Variants in BICD1 observed in about 807,000 individuals in gnomAD.
The protein encoded by BICD1 is BICD cargo adaptor 1.
A neutral mutation model predicts 92.5 loss-of-function variants in BICD1; 35 were observed. The observed-to-expected ratio is 0.38, with a 90% CI of 0.29 to 0.50. BICD1 has a LOEUF of 0.50. Among genes scored for constraint, BICD1 ranks in the 20% least tolerant of loss-of-function variants. The pLI is 0.93. For synonymous variants in BICD1, 429 were observed against 465.1 expected (o/e 0.92, Z 1.00); for missense variants, 950 against 1,189.8 (o/e 0.80, Z 2.97).
At chr12:32,149,101 T>C (rs1342621541) in intron 1 of BICD1, among the ~76,000 whole-genome samples, 1 of 152,166 alleles carries the variant, frequency 6.6e-6, no homozygotes, top group Admixed American at 6.5e-5. Flanking sequence ...TTTTTAAGCA[T>C]TTCATACATT....
intron 8 of BICD1, among the ~76,000 whole-genome samples, chr12:32,356,265 T>C (rs1226175941): frequency 2.0e-5 from 3 of 152,216 alleles, no homozygotes; most frequent in Non-Finnish European, 4.4e-5. Flanking sequence ...TTGTTGGAAC[T>C]GGTATCTAAA....
At chr12:32,247,566 G>A (rs1008258275) in intron 2 of BICD1, among the ~76,000 whole-genome samples, 1 of 151,948 alleles carries the variant, frequency 6.6e-6, no homozygotes, top group Non-Finnish European at 1.5e-5. Flanking sequence ...ATCACTCGAG[G>A]TCAGGAGTTC....
intron 1 of BICD1, among the ~76,000 whole-genome samples, chr12:32,189,933 G>A (rs1478979323): frequency 6.6e-6 from 1 of 152,012 alleles, no homozygotes; most frequent in African/African-American, 2.4e-5. Context: ...TCCTGACCTC[G>A]AGTTATCTGC....
At chr12:32,341,772 A>G (rs760062629) in intron 8 of BICD1, among the ~76,000 whole-genome samples, 1 of 152,180 alleles carries the variant, frequency 6.6e-6, no homozygotes, top group Non-Finnish European at 1.5e-5. Context: ...ATCCACACCA[A>G]ATAAATTGTA....
intron 1 of BICD1, among the ~76,000 whole-genome samples, chr12:32,174,729 A>C (rs1178667650): frequency 2.0e-5 from 3 of 152,206 alleles, no homozygotes; most frequent in Non-Finnish European, 1.5e-5. Context: ...ATTTTAAAAT[A>C]GTAATTACTC....
At chr12:32,294,189 C>T (rs199815411) in intron 3 of BICD1, 43 bp downstream of exon 3, 10 of 1,532,740 alleles carry the variant, frequency 6.5e-6, no homozygotes, top group Non-Finnish European at 1.8e-6. Flanking sequence ...GATGGATCTA[C>T]ATCTTCTGAC....
chr12:32,271,681 C>T (rs756022811), intron 2 of BICD1, among the ~76,000 whole-genome samples: 8 of 152,184 alleles, frequency 5.3e-5, no homozygotes, highest in Non-Finnish European at 1.2e-4. Context: ...CCTCAAACCT[C>T]GCTGCTTCAG....
intron 2 of BICD1, among the ~76,000 whole-genome samples, chr12:32,245,735 T>C (rs535968426): frequency 6.6e-6 from 1 of 152,032 alleles, no homozygotes; most frequent in South Asian, 2.1e-4. Context: ...AACCATAGTT[T>C]AAGAAAAAGG....
chr12:32,345,887 C>T (rs570013385), intron 8 of BICD1, among the ~76,000 whole-genome samples: 79 of 152,322 alleles, frequency 5.2e-4, no homozygotes, highest in Non-Finnish European at 7.9e-4. Context: ...CCATGGCTCA[C>T]GCCTATAATC....
At chr12:32,118,422 C>A (rs11051804) in intron 1 of BICD1, among the ~76,000 whole-genome samples, 3,430 of 152,032 alleles carry the variant, frequency 0.023, 71 homozygotes, top group African/African-American at 0.048. Context: ...CTAGTCAGGC[C>A]CCAGAATCTG....
At chr12:32,242,215 C>CAAAAAAA (rs4001812) in intron 2 of BICD1, among the ~76,000 whole-genome samples, 4 of 47,730 alleles carry the variant, frequency 8.4e-5, no homozygotes, top group Admixed American at 3.4e-4. Flanking sequence ...GACCCTGTCT[C>CAAAAAAA]AAAAAAAAAA....
At chr12:32,108,693 A>C in intron 1 of BICD1, 1 of 697,372 alleles carries the variant, frequency 1.4e-6, no homozygotes, top group Non-Finnish European at 2.6e-6. Flanking sequence ...CTTCCAATTT[A>C]GTGTGTAATA....
intron 1 of BICD1, among the ~76,000 whole-genome samples, chr12:32,155,033 GC>G (rs199916998): frequency 0.48 from 5,400 of 11,348 alleles, 322 homozygotes; most frequent in African/African-American, 0.49. Flanking sequence ...CTGAAGTGCT[GC>G]TTTTTTTTTT....
In BICD1 at chr12:32,378,325, T is replaced by C. The variant is rs1262572563; in HGVS notation, c.*698T>C. 1 of 152,252 alleles carries C rather than the reference T, an allele frequency of 6.6e-6. No homozygotes were observed. Among genetic ancestry groups the C allele is most frequent in the Non-Finnish European group, 1.5e-5 (1 of 68,046 alleles). The allele number at this position is 152,252 out of a possible 1,614,324, so 9.4% of individuals were successfully genotyped here. On this transcript the variant is annotated 3_prime_UTR_variant, in exon 10 of 10. Coordinates refer to ENST00000652176, the MANE Select transcript of BICD1 (RefSeq NM_001714.4). ...GCTCATTAACTGCTGGGTTTTGTTT[T>C]TGTATTTTTAACTAGAGTTCTTCAC...
intron 2 of BICD1, among the ~76,000 whole-genome samples, chr12:32,272,224 G>A (rs1220727364): frequency 6.6e-6 from 1 of 152,020 alleles, no homozygotes; most frequent in East Asian, 1.9e-4. Context: ...ACTTCTCCTG[G>A]CCCAATAATG....
rs577775042 is a variant in BICD1 at position 32,128,917 on chromosome 12, C to G, written c.213+21373C>G. 2.6e-5 allele frequency among the ~76,000 whole-genome samples: 4 copies of G among 151,456 alleles called. No individual in the cohort carries two copies. The Admixed American group carries it at 2.7e-4, about 10-fold the overall frequency. ...CCATACAAGTAGCCGGGACTACAGG[C>G]ATGCACCACCATGTCCAACTAATTT... On this transcript the variant is annotated intron_variant, in intron 1 of 9. Coordinates refer to ENST00000652176, the MANE Select transcript of BICD1 (RefSeq NM_001714.4).
intron 1 of BICD1, among the ~76,000 whole-genome samples, chr12:32,148,149 A>AAAAAAAAAAAAAAG (rs1354029954): frequency 6.6e-6 from 1 of 150,936 alleles, no homozygotes; most frequent in Non-Finnish European, 1.5e-5. Flanking sequence ...CTCCAAAAAA[A>AAAAAAAAAAAAAAG]AAAGAATCTG....
intron 1 of BICD1, among the ~76,000 whole-genome samples, chr12:32,166,138 A>ATTTATTTATTTATTTTTTATTT (rs1555140610): frequency 3.5e-5 from 5 of 143,954 alleles, no homozygotes; most frequent in Non-Finnish European, 6.0e-5. Flanking sequence ...TTATTTATTT[A>ATTTATTTATTTATTTTTTATTT]TTTATTTATT....
chr12:32,334,098 T>C (rs1937995178), intron 5 of BICD1, among the ~76,000 whole-genome samples: 1 of 152,228 alleles, frequency 6.6e-6, no homozygotes, highest in East Asian at 1.9e-4. Flanking sequence ...ATTTGAGTTC[T>C]AACATATTCC....
Sources: gnomAD v4.1 joint callset for allele counts (sites outside exome capture counted in the v4.1 genomes callset) on GRCh38, gnomAD v4.1.1 for gene constraint, MANE v1.5 for transcripts, NCBI Gene and HGNC (gene_info 2026-07-23, HGNC 2026-07-21) for gene names.